The following FAM161B variants were observed in gnomAD, a reference collection of about 807,000 sequenced individuals.
FAM161B encodes FAM161 centrosomal protein B, also known as protein FAM161B.
FAM161B carries 46 observed loss-of-function variants against 61.5 expected under a neutral mutation model. The observed-to-expected ratio is 0.75, with a 90% CI of 0.59 to 0.96. The LOEUF (loss-of-function observed/expected upper bound fraction) is 0.96. FAM161B is among the 40% of genes least tolerant of loss of function. The pLI is 0.00. For missense variants in FAM161B, 774 were observed against 800.7 expected (o/e 0.97, Z 0.40); for synonymous variants, 284 against 302.7 (o/e 0.94, Z 0.64).
At chr14:73,940,468 C>G (rs1432787049) in intron 5 of FAM161B, among the ~76,000 whole-genome samples, 3 of 152,120 alleles carry the variant, frequency 2.0e-5, no homozygotes, top group Non-Finnish European at 4.4e-5. Context: ...TGTCTGGAAC[C>G]TTCCTTCTCT....
intron 3 of FAM161B, among the ~76,000 whole-genome samples, chr14:73,943,293 T>C (rs2056034846): frequency 6.6e-6 from 1 of 152,222 alleles, no homozygotes; most frequent in African/African-American, 2.4e-5. Context: ...AATTGTGAAA[T>C]AGCTTCCTCT....
downstream of FAM161B, chr14:73,931,620 C>A: frequency 1.5e-6 from 2 of 1,309,144 alleles, no homozygotes; most frequent in Admixed American, 1.9e-5. Context: ...CCTTAGCCCA[C>A]AACAGAACCA....
At chr14:73,949,671 C>G (rs1229561128) in intron 1 of FAM161B, among the ~76,000 whole-genome samples, 1 of 150,802 alleles carries the variant, frequency 6.6e-6, no homozygotes, top group African/African-American at 2.4e-5. Flanking sequence ...ATTTGGGGAG[C>G]AATTTTCTTA....
chr14:73,936,147 T>C (rs8019443), intron 7 of FAM161B, 59 bp from the exon 8 acceptor site: 22,488 of 1,515,052 alleles, frequency 0.015, 450 homozygotes, highest in African/African-American at 0.084. Context: ...CAATTCTAAA[T>C]TACTTAATCA....
chr14:73,923,668 T>C, the FAM161B span: 3 of 1,113,354 alleles, frequency 2.7e-6, no homozygotes, highest in Non-Finnish European at 3.8e-6. Context: ...GAGTTCAGCT[T>C]GAAAGGAGCC....
At position 73,938,191 on chromosome 14, in the gene FAM161B, G is replaced by T. The variant is rs971402507; in HGVS notation, c.1401-79C>A. The T allele has an allele frequency of 3.9e-6, 6 of 1,527,586 alleles. No individual in the cohort carries two copies. The African/African-American group carries it at 8.2e-5, about 21-fold the overall frequency. The allele number at this position is 1,527,586 out of a possible 1,614,324, so 94.6% of individuals were successfully genotyped here. A position where few individuals can be genotyped will look rare whatever the true frequency, so the allele number is the denominator to read the frequency against. ...AAGCAATCTTAGGCCAGGTGTGGTGGCTCACACTTGTAGTCCTAGCACTTT... is the reference window on the plus strand; with the variant it reads ...AAGCAATCTTAGGCCAGGTGTGGTGTCTCACACTTGTAGTCCTAGCACTTT... On this transcript the variant is annotated intron_variant, in intron 5 of 8. Coordinates refer to ENST00000286544, the MANE Select transcript of FAM161B (RefSeq NM_152445.3).
At chr14:73,942,147 C>T (rs1016196990) in intron 4 of FAM161B, among the ~76,000 whole-genome samples, 2 of 152,166 alleles carry the variant, frequency 1.3e-5, no homozygotes, top group African/African-American at 4.8e-5. Flanking sequence ...CACACCACCA[C>T]ATGTGGCAAA....
chr14:73,930,842 T>C (rs59363432), downstream of FAM161B, among the ~76,000 whole-genome samples: 23,424 of 151,638 alleles, frequency 0.15, 2,371 homozygotes, highest in East Asian at 0.49. Flanking sequence ...CTCAAGCAGT[T>C]CTCCTGCCTC....
rs2140348342 is a variant in FAM161B, at chr14:73,944,566, C to G, written c.694G>C (p.Glu232Gln). Residue 232 changes from glutamate to glutamine, a missense_variant, in exon 3 of 9, where the codon GAG becomes CAG. Physicochemically the swap from Glu to Gln is conservative, Grantham distance 29. Transcript: ENST00000286544. ...CGGGCCTCGCTGCGCTCCATGATCT[C>G]TTGGTAGAGGGGCAGGTAGACATGT... ...PAHVYLPLYQ[E>Q]IMERSEARRQ... 6.2e-7 allele frequency: 1 copy of G among 1,614,056 alleles called. No homozygotes were observed. The highest frequency in any genetic ancestry group is 8.5e-7 in the Non-Finnish European group (1 of 1,180,010).
intron 2 of FAM161B, among the ~76,000 whole-genome samples, 167 bp from the exon 3 acceptor site, chr14:73,945,052 G>T (rs1182066403): frequency 1.3e-5 from 2 of 152,132 alleles, no homozygotes; most frequent in Non-Finnish European, 2.9e-5. Flanking sequence ...AGACAATCCT[G>T]GCAGCCCTAA....
rs751588609 is a variant in FAM161B at position 73,937,609 on chromosome 14, A to G, written c.1658T>C (p.Val553Ala). The G allele has an allele frequency of 6.2e-7, 1 of 1,612,386 alleles. No homozygotes were observed. The highest frequency in any genetic ancestry group is 2.2e-5 in the East Asian group (1 of 44,852). ...ATGATGGTTTAGTTTTACCTTGGCA[A>G]CTTGTTCAAAGAGATAGGGCCTTGT... ...IQTRPYLFEQVAKDLAKKEAE... is the reference protein window; with the variant it reads ...IQTRPYLFEQAAKDLAKKEAE... The change falls in exon 7 of 9, where the codon GTT becomes GCT. Residue 553 changes from valine (V) to alanine (A), a missense_variant. Transcript: ENST00000286544.
the FAM161B span, among the ~76,000 whole-genome samples, chr14:73,923,745 C>A: frequency 2.6e-5 from 4 of 152,140 alleles, no homozygotes; most frequent in Admixed American, 6.6e-5. Context: ...CTTTAAAGTT[C>A]TTTTATATAC....
At chr14:73,942,170 TC>T (rs758256995) in intron 4 of FAM161B, among the ~76,000 whole-genome samples, 198 bp downstream of exon 4, 33 of 151,692 alleles carry the variant, frequency 2.2e-4, no homozygotes, top group African/African-American at 5.1e-4. Context: ...TTTGTATTTT[TC>T]TTTTAGAGAT....
At chr14:73,948,902 C>G (rs1037536426) in intron 1 of FAM161B, among the ~76,000 whole-genome samples, 2 of 151,898 alleles carry the variant, frequency 1.3e-5, no homozygotes, top group African/African-American at 2.4e-5. Context: ...ACTGGAGGCA[C>G]GCGCCACCAC....
chr14:73,948,203 C>T (rs940178091), intron 1 of FAM161B, among the ~76,000 whole-genome samples: 4 of 152,172 alleles, frequency 2.6e-5, no homozygotes, highest in Admixed American at 2.0e-4. Context: ...GGATTACAGG[C>T]GTGAGCCATT....
At chr14:73,928,676 G>T (rs1036227278), downstream of FAM161B, among the ~76,000 whole-genome samples, 3 of 152,152 alleles carry the variant, frequency 2.0e-5, no homozygotes, top group African/African-American at 7.2e-5. Context: ...GGGTGTGGTG[G>T]ATCATGTCTA....
chr14:73,938,110 C>A lies in FAM161B; in HGVS notation c.1403G>T (p.Ser468Ile), dbSNP rs374920222. Residue 468 changes from serine (S) to isoleucine (I), a missense_variant and splice_region_variant, in exon 6 of 9, where the codon AGT becomes ATT. Coordinates refer to ENST00000286544, the MANE Select transcript of FAM161B (RefSeq NM_152445.3). ...ATRKRESAVRSALEKKNKADE... is the reference protein window; with the variant it reads ...ATRKRESAVRIALEKKNKADE... Reference sequence around the variant, plus strand: ...TGCTTTGTTCTTTTTTTCAAGTGCACTTCTAAAGGAAGGAGGCAGAAAAAG... The same window carrying A: ...TGCTTTGTTCTTTTTTTCAAGTGCAATTCTAAAGGAAGGAGGCAGAAAAAG... 6.2e-7 allele frequency: 1 copy of A among 1,613,692 alleles called. No individual in the cohort carries two copies. Among genetic ancestry groups the A allele is most frequent in the Non-Finnish European group, 8.5e-7 (1 of 1,179,914 alleles).
intron 5 of FAM161B, 129 bp from the exon 6 acceptor site, chr14:73,938,241 C>T (rs912898303): frequency 2.1e-5 from 22 of 1,027,522 alleles, no homozygotes; most frequent in Non-Finnish European, 3.0e-5. Flanking sequence ...GGTGGATCAC[C>T]TGAGGTCAGG....
intron 1 of FAM161B, among the ~76,000 whole-genome samples, chr14:73,948,966 T>G (rs1453098932): frequency 1.3e-5 from 2 of 152,074 alleles, no homozygotes; most frequent in Non-Finnish European, 2.9e-5. Context: ...GTCGCCAGGC[T>G]AGAGTGCAGT....
Sources: gnomAD v4.1 joint callset for allele counts (sites outside exome capture counted in the v4.1 genomes callset) on GRCh38, gnomAD v4.1.1 for gene constraint, MANE v1.5 for transcripts, NCBI Gene and HGNC (gene_info 2026-07-23, HGNC 2026-07-21) for gene names.